AGBL1: variants seen among roughly 807,000 people sequenced by gnomAD.
AGBL1 encodes AGBL carboxypeptidase 1.
In AGBL1, 130 loss-of-function variants were observed where a neutral mutation model predicts 118.9. The observed-to-expected ratio is 1.09, with a 90% CI of 0.95 to 1.26. The LOEUF is 1.26. Among genes scored for constraint, AGBL1 ranks in the 50% most tolerant of loss-of-function variants. AGBL1 has a pLI of 0.00. For missense variants in AGBL1, 1,584 were observed against 1,298.1 expected, an observed-to-expected ratio of 1.22 and a Z score of -3.38; for synonymous variants, 555 against 478.9, an observed-to-expected ratio of 1.16 and a Z score of -2.08.
intron 21 of AGBL1, among the ~76,000 whole-genome samples, chr15:86,643,231 A>T (rs1596331721): frequency 6.6e-6 from 1 of 152,232 alleles, no homozygotes; most frequent in East Asian, 1.9e-4. Flanking sequence ...CAACATATAT[A>T]GTCCTAGAAT....
chr15:86,623,931 C>G (rs149587443), intron 21 of AGBL1, among the ~76,000 whole-genome samples: 4 of 152,202 alleles, frequency 2.6e-5, no homozygotes, highest in African/African-American at 4.8e-5. Flanking sequence ...TCATTCTAGT[C>G]TGACACTGCT....
At chr15:86,522,333 C>G (rs1596220693) in intron 18 of AGBL1, among the ~76,000 whole-genome samples, 2 of 152,106 alleles carry the variant, frequency 1.3e-5, no homozygotes, top group Admixed American at 6.6e-5. Flanking sequence ...AGATCTCCAG[C>G]CATTTAATAA....
At chr15:86,244,792 G>C (rs964172230) in intron 6 of AGBL1, among the ~76,000 whole-genome samples, 2 of 152,178 alleles carry the variant, frequency 1.3e-5, no homozygotes, top group Admixed American at 1.3e-4. Flanking sequence ...CCTGTGAACT[G>C]TTGTTCTGGC....
intron 22 of AGBL1, among the ~76,000 whole-genome samples, chr15:86,704,416 A>G (rs2086412746): frequency 6.6e-6 from 1 of 152,354 alleles, no homozygotes; most frequent in African/African-American, 2.4e-5. Flanking sequence ...TCCAGAATCT[A>G]CAAGGAACTT....
chr15:86,337,545 T>C (rs2080392231), intron 17 of AGBL1, among the ~76,000 whole-genome samples: 1 of 152,194 alleles, frequency 6.6e-6, no homozygotes, highest in East Asian at 1.9e-4. Context: ...AATGAGATCA[T>C]ATCCTTTGCA....
intron 19 of AGBL1, among the ~76,000 whole-genome samples, chr15:86,537,184 C>G (rs1219689387): frequency 6.6e-6 from 1 of 152,220 alleles, no homozygotes; most frequent in East Asian, 1.9e-4. Flanking sequence ...AGTCCCCAGC[C>G]TACCCCAAGG....
At chr15:86,841,581 CG>C (rs1567201825) in intron 22 of AGBL1, among the ~76,000 whole-genome samples, 1 of 152,168 alleles carries the variant, frequency 6.6e-6, no homozygotes, top group Non-Finnish European at 1.5e-5. Context: ...CGCAGTGGCT[CG>C]TGCCTATAAT....
chr15:86,357,762 A>T (rs1020740526), intron 17 of AGBL1, among the ~76,000 whole-genome samples: 15 of 152,090 alleles, frequency 9.9e-5, no homozygotes, highest in Non-Finnish European at 1.6e-4. Flanking sequence ...TCCAATCTGA[A>T]TCTTTCCATG....
intron 22 of AGBL1, among the ~76,000 whole-genome samples, chr15:86,700,050 C>T (rs550726149): frequency 3.3e-5 from 5 of 152,118 alleles, no homozygotes; most frequent in African/African-American, 1.2e-4. Flanking sequence ...TCCCTCTTCT[C>T]CCCATTTCAT....
At chr15:86,898,334 T>A (rs1457110228) in intron 22 of AGBL1, among the ~76,000 whole-genome samples, 1 of 152,200 alleles carries the variant, frequency 6.6e-6, no homozygotes, top group Non-Finnish European at 1.5e-5. Context: ...TTTTACAGTT[T>A]TGAGTTTTAC....
intron 21 of AGBL1, among the ~76,000 whole-genome samples, chr15:86,671,764 A>G (rs2085750171): frequency 6.6e-6 from 1 of 152,188 alleles, no homozygotes; most frequent in Non-Finnish European, 1.5e-5. Context: ...GACAGTTACA[A>G]TATGTATCTG....
At chr15:86,131,306 T>A (rs1017514715) in intron 1 of AGBL1, among the ~76,000 whole-genome samples, 1 of 152,174 alleles carries the variant, frequency 6.6e-6, no homozygotes, top group Admixed American at 6.5e-5. Context: ...TCAAGAGTAG[T>A]TGACATGGAT....
rs141264764 is a variant in AGBL1, at chr15:86,984,181, G to T, written c.3222-3806G>T. ...CAGGTAATCCATATTCATTAGGTAG[G>T]CTTAGTTCAAAGTTTTGTTTTAATT... On this transcript the variant is annotated intron_variant, in intron 23 of 24. Transcript: ENST00000441037. Among the ~76,000 whole-genome samples, 927 of 152,106 alleles carry T rather than the reference G, an allele frequency of 6.1e-3. 12 individuals are homozygous for T. Among genetic ancestry groups the T allele is most frequent in the African/African-American group, 0.02 (844 of 41,502 alleles).
intron 22 of AGBL1, among the ~76,000 whole-genome samples, chr15:86,811,626 C>G (rs1026569251): frequency 6.6e-6 from 1 of 152,140 alleles, no homozygotes; most frequent in African/African-American, 2.4e-5. Context: ...TATCAATCAG[C>G]AATCATGGAA....
chr15:86,785,603 G>A (rs2078400984), intron 22 of AGBL1, among the ~76,000 whole-genome samples: 2 of 151,978 alleles, frequency 1.3e-5, no homozygotes, highest in Admixed American at 1.3e-4. Context: ...CCTGGCCTCA[G>A]GCGATCCACC....
intron 18 of AGBL1, among the ~76,000 whole-genome samples, chr15:86,512,303 A>T (rs1025256276): frequency 3.9e-5 from 6 of 151,962 alleles, no homozygotes; most frequent in African/African-American, 1.4e-4. Flanking sequence ...TTCTAAGGAC[A>T]AGGCTTATGG....
intron 19 of AGBL1, among the ~76,000 whole-genome samples, chr15:86,541,305 T>C (rs1263439652): frequency 6.6e-6 from 1 of 152,210 alleles, no homozygotes; most frequent in East Asian, 1.9e-4. Context: ...CCAGACCTAC[T>C]TGAATCACAG....
intron 22 of AGBL1, among the ~76,000 whole-genome samples, chr15:86,688,657 C>A (rs2086106251): frequency 6.6e-6 from 1 of 152,066 alleles, no homozygotes; most frequent in Non-Finnish European, 1.5e-5. Flanking sequence ...AAATATTTCC[C>A]TATGAAGTGA....
intron 23 of AGBL1, among the ~76,000 whole-genome samples, chr15:86,959,529 A>G (rs1439291839): frequency 6.6e-6 from 1 of 151,100 alleles, no homozygotes; most frequent in African/African-American, 2.5e-5. Context: ...TTATGAGATC[A>G]TCATTACAAC....
Sources: allele counts gnomAD v4.1 joint callset (sites outside exome capture counted in the v4.1 genomes callset), GRCh38; gene constraint gnomAD v4.1.1; transcripts MANE v1.5; gene names NCBI Gene and HGNC (gene_info 2026-07-23, HGNC 2026-07-21).